Variants in NDE1 observed in about 807,000 individuals in gnomAD.
NDE1 encodes the protein nuclear distribution protein nudE homolog 1.
NDE1 carries 28 observed loss-of-function variants against 43.4 expected under a neutral mutation model. That is an observed-to-expected ratio of 0.65 (90% CI 0.48 to 0.89). NDE1 has a LOEUF of 0.89. Among genes scored for constraint, NDE1 ranks in the 40% least tolerant of loss-of-function variants. NDE1 has a pLI of 0.00. For missense variants in NDE1, 441 were observed against 434.1 expected (o/e 1.02, Z -0.14); for synonymous variants, 184 against 172.0 (o/e 1.07, Z -0.55).
rs189689012 is a variant in NDE1, at chr16:15,723,426, C to A, written c.948-765C>A. 5.6e-4 allele frequency among the ~76,000 whole-genome samples: 86 copies of A among 152,270 alleles called. 1 individual carries two copies. The East Asian group carries it at 0.012, about 22-fold the overall frequency. On this transcript the variant is annotated intron_variant, in intron 8 of 8. Transcript: ENST00000396354. ...CTTTGGGAGGCCAAGGCAGGCAGAT[C>A]ATGTGAGGCCAGGAGTTGGAGACCA...
intron 8 of NDE1, 38 bp from the exon 9 acceptor site, chr16:15,724,153 C>G (rs745767380): frequency 1.2e-6 from 2 of 1,612,864 alleles, no homozygotes; most frequent in Non-Finnish European, 1.7e-6. Context: ...ACACCCCACG[C>G]CCTCTACCTG....
chr16:15,667,500 G>A, intron 3 of NDE1, 61 bp downstream of exon 3: 1 of 1,597,460 alleles, frequency 6.3e-7, no homozygotes, highest in Non-Finnish European at 8.5e-7. Flanking sequence ...GGCATGGCAT[G>A]CTTGGCTGGA....
chr16:15,649,289 G>A (rs1237320104), upstream of NDE1: 3 of 152,176 alleles, frequency 2.0e-5, no homozygotes, highest in African/African-American at 4.8e-5. Flanking sequence ...TTTTACAAAT[G>A]CTGTTAAGTC....
intron 8 of NDE1, chr16:15,714,066 G>C (rs1180467615): frequency 1.3e-5 from 2 of 152,428 alleles, no homozygotes; most frequent in African/African-American, 4.8e-5. Context: ...TCAAGGAACC[G>C]AGAGGCTGCG....
intron 5 of NDE1, among the ~76,000 whole-genome samples, chr16:15,689,218 A>G (rs2038603057): frequency 6.6e-6 from 1 of 152,232 alleles, no homozygotes; most frequent in South Asian, 2.1e-4. Context: ...GGCTAGGCAC[A>G]GTGGCTGATG....
chr16:15,693,297 G>A (rs755500217), intron 6 of NDE1, among the ~76,000 whole-genome samples: 1 of 152,142 alleles, frequency 6.6e-6, no homozygotes, highest in Non-Finnish European at 1.5e-5. Flanking sequence ...GAGCTACTGT[G>A]CCTGGCCGAG....
intron 8 of NDE1, chr16:15,708,771 A>C: frequency 6.3e-7 from 1 of 1,596,710 alleles, no homozygotes; most frequent in Non-Finnish European, 8.5e-7. Flanking sequence ...ATACTGAGAC[A>C]ACACACAGCT....
intron 5 of NDE1, among the ~76,000 whole-genome samples, chr16:15,688,817 C>T (rs2151108116): frequency 6.7e-6 from 1 of 148,260 alleles, no homozygotes; most frequent in South Asian, 2.2e-4. Flanking sequence ...CCTGCTTCAG[C>T]CTCCTGAGTA....
chr16:15,673,738 C>G (rs1165092618), intron 3 of NDE1, among the ~76,000 whole-genome samples: 1 of 152,030 alleles, frequency 6.6e-6, no homozygotes, highest in Non-Finnish European at 1.5e-5. Flanking sequence ...TCCTATGTTG[C>G]CTAGGCTAAT....
At chr16:15,658,959 C>G (rs1268512801) in intron 1 of NDE1, among the ~76,000 whole-genome samples, 1 of 152,194 alleles carries the variant, frequency 6.6e-6, no homozygotes, top group African/African-American at 2.4e-5. Flanking sequence ...GTCTGGCCAG[C>G]TTTGTATGAC....
rs71376083 is a variant in NDE1, at chr16:15,664,456, A to G, written c.-43-280A>G. Among the ~76,000 whole-genome samples, 2,937 of 152,150 alleles carry G rather than the reference A, an allele frequency of 0.019. 77 individuals carry two copies. The highest frequency in any genetic ancestry group is 0.054 in the African/African-American group (2,255 of 41,498). On this transcript the variant is annotated intron_variant, in intron 1 of 8. Coordinates refer to ENST00000396354, the MANE Select transcript of NDE1 (RefSeq NM_017668.3). ...ACTGCAAGCTCCACCTCCTGAGTTC[A>G]CACCATTCTCCTGCCTCAGCCTCCT...
In NDE1 at chr16:15,725,440, C is replaced by T; in HGVS notation, c.*1189C>T. On this transcript the variant is annotated 3_prime_UTR_variant, in exon 9 of 9. Transcript: ENST00000396354. Reference sequence around the variant, plus strand: ...TCCCAGGGATGCTGTCCCATCCCTTCCTTCCTCACTCCTACTCTTTGACCC... The same window carrying T: ...TCCCAGGGATGCTGTCCCATCCCTTTCTTCCTCACTCCTACTCTTTGACCC... 1 of 468,428 alleles carries T rather than the reference C, an allele frequency of 2.1e-6. No homozygotes were observed. The allele number at this position is 468,428 out of a possible 1,614,324, so 29.0% of individuals were successfully genotyped here.
intron 8 of NDE1, chr16:15,714,848 AG>A (rs1268013982): frequency 3.1e-6 from 5 of 1,600,992 alleles, no homozygotes; most frequent in Non-Finnish European, 4.3e-6. Flanking sequence ...AAGGAGCCCG[AG>A]CCCCCAGTGC....
intron 4 of NDE1, among the ~76,000 whole-genome samples, chr16:15,681,484 C>CA (rs1192423335): frequency 2.0e-5 from 3 of 151,712 alleles, no homozygotes; most frequent in Non-Finnish European, 2.9e-5. Flanking sequence ...AGGCTGGTCT[C>CA]AAAGTCCTGG....
intron 3 of NDE1, among the ~76,000 whole-genome samples, chr16:15,670,677 GAAAA>G (rs200883978): frequency 0.03 from 4,496 of 149,946 alleles, 230 homozygotes; most frequent in African/African-American, 0.1. Context: ...AAAAAAGAAA[GAAAA>G]AGAAAGGACT....
chr16:15,670,553 A>C (rs2037538482), intron 3 of NDE1, among the ~76,000 whole-genome samples: 1 of 151,842 alleles, frequency 6.6e-6, no homozygotes, highest in African/African-American at 2.4e-5. Flanking sequence ...GCTACTTGGG[A>C]GGCTGAGGCA....
chr16:15,712,882 G>GTTTTTTTTTTTTTTGTTTTTTTTTTT (rs59799809), intron 8 of NDE1: 1 of 90,636 alleles, frequency 1.1e-5, no homozygotes, highest in African/African-American at 4.5e-5. Context: ...TTCACATACA[G>GTTTTTTTTTTTTTTGTTTTTTTTTTT]TTTTTTTTTT....
intron 1 of NDE1, among the ~76,000 whole-genome samples, chr16:15,644,629 AAG>A (rs2036270455): frequency 6.6e-6 from 1 of 152,184 alleles, no homozygotes; most frequent in African/African-American, 2.4e-5. Context: ...AAGAAAGAAA[AAG>A]AAAAAAATCT....
At chr16:15,656,737 T>A (rs973990143) in intron 1 of NDE1, among the ~76,000 whole-genome samples, 3 of 151,972 alleles carry the variant, frequency 2.0e-5, no homozygotes, top group Non-Finnish European at 4.4e-5. Flanking sequence ...GATGGGGTTT[T>A]ACCATGTTGG....
Sources: gnomAD v4.1 joint callset for allele counts (sites outside exome capture counted in the v4.1 genomes callset) on GRCh38, gnomAD v4.1.1 for gene constraint, MANE v1.5 for transcripts, NCBI Gene and HGNC (gene_info 2026-07-23, HGNC 2026-07-21) for gene names.